DPP10: variants seen among roughly 807,000 people sequenced by gnomAD.
DPP10 encodes the protein inactive dipeptidyl peptidase 10.
DPP10 carries 33 observed loss-of-function variants against 120.9 expected under a neutral mutation model. That is an observed-to-expected ratio of 0.27 (90% CI 0.21 to 0.37). DPP10 has a LOEUF of 0.37. Ranked by LOEUF, DPP10 falls within the 10% of genes least tolerant of loss-of-function variation. The probability of loss-of-function intolerance (pLI) is 1.00; values close to 1 mark genes in which losing one functional copy is unlikely to be tolerated. For synonymous variants in DPP10, 337 were observed against 326.1 expected (o/e 1.03, Z -0.36); for missense variants, 816 against 942.8 (o/e 0.87, Z 1.76).
At chr2:115,467,620 G>A (rs1178984886) in intron 3 of DPP10, among the ~76,000 whole-genome samples, 2 of 151,872 alleles carry the variant, frequency 1.3e-5, no homozygotes, top group Non-Finnish European at 2.9e-5. Context: ...AAAATTAACT[G>A]TGATGCTCAC....
At chr2:114,817,570 T>C (rs1685745109) in intron 1 of DPP10, among the ~76,000 whole-genome samples, 3 of 152,292 alleles carry the variant, frequency 2.0e-5, no homozygotes, top group South Asian at 4.1e-4. Context: ...ATGTGGCTCT[T>C]ACTAGAATCT....
At chr2:114,661,719 C>T (rs1697418712) in intron 1 of DPP10, among the ~76,000 whole-genome samples, 1 of 152,146 alleles carries the variant, frequency 6.6e-6, no homozygotes, top group Non-Finnish European at 1.5e-5. Context: ...AGAAACAGGG[C>T]ATTTATAACG....
intron 3 of DPP10, among the ~76,000 whole-genome samples, chr2:115,493,927 C>T (rs1188726353): frequency 6.6e-6 from 1 of 151,938 alleles, no homozygotes; most frequent in Non-Finnish European, 1.5e-5. Context: ...CAGAGAAAAA[C>T]ACCAGACTTA....
intron 4 of DPP10, among the ~76,000 whole-genome samples, chr2:115,501,050 A>C (rs2076656172): frequency 6.6e-6 from 1 of 152,050 alleles, no homozygotes; most frequent in African/African-American, 2.4e-5. Flanking sequence ...ATTTTTAATA[A>C]AATTAGTTTG....
intron 9 of DPP10, among the ~76,000 whole-genome samples, chr2:115,743,347 A>G (rs1677526773): frequency 6.6e-6 from 1 of 152,130 alleles, no homozygotes; most frequent in South Asian, 2.1e-4. Context: ...AACTGGCCAC[A>G]TTGTGTGCAC....
chr2:115,815,846 C>A, intron 21 of DPP10, 117 bp downstream of exon 21: 2 of 1,042,222 alleles, frequency 1.9e-6, no homozygotes, highest in East Asian at 2.5e-5. Context: ...GACTGGGATT[C>A]CATACTTATT....
chr2:115,183,280 GA>G (rs928722451), intron 1 of DPP10, among the ~76,000 whole-genome samples: 151 of 149,040 alleles, frequency 1.0e-3, no homozygotes, highest in African/African-American at 2.6e-3. Flanking sequence ...AAATTTTGTG[GA>G]AAAAAAAAAT....
chr2:114,754,600 A>T (rs760309918), intron 1 of DPP10, among the ~76,000 whole-genome samples: 29 of 152,274 alleles, frequency 1.9e-4, no homozygotes, highest in Non-Finnish European at 7.4e-5. Flanking sequence ...TCTACCTTTT[A>T]TCAATAAACT....
chr2:115,208,454 A>G (rs1205539031), intron 1 of DPP10, among the ~76,000 whole-genome samples: 2 of 152,156 alleles, frequency 1.3e-5, no homozygotes. Flanking sequence ...CTTTTAATGT[A>G]ATTATACATT....
chr2:115,691,804 A>G (rs2091331788), intron 7 of DPP10, among the ~76,000 whole-genome samples: 1 of 152,080 alleles, frequency 6.6e-6, no homozygotes, highest in East Asian at 1.9e-4. Context: ...ACAAACATTT[A>G]ATGTATGTAT....
chr2:115,643,063 T>C (rs990031558), intron 5 of DPP10, among the ~76,000 whole-genome samples: 2 of 152,044 alleles, frequency 1.3e-5, no homozygotes, highest in Non-Finnish European at 2.9e-5. Context: ...TAACATGCAT[T>C]AAAGGAGAAA....
intron 3 of DPP10, among the ~76,000 whole-genome samples, chr2:115,400,190 C>T (rs887046027): frequency 2.0e-5 from 3 of 152,108 alleles, no homozygotes; most frequent in African/African-American, 7.2e-5. Context: ...ACGCCGCCTC[C>T]AGCACTGGGA....
intron 1 of DPP10, among the ~76,000 whole-genome samples, chr2:115,272,871 CAG>C (rs2059757416): frequency 6.6e-6 from 1 of 152,208 alleles, no homozygotes; most frequent in South Asian, 2.1e-4. Context: ...TTCTTTTCCT[CAG>C]AAACAGTTGA....
chr2:115,606,076 A>G (rs531675835), intron 5 of DPP10, among the ~76,000 whole-genome samples: 1 of 152,292 alleles, frequency 6.6e-6, no homozygotes, highest in East Asian at 1.9e-4. Flanking sequence ...AAATGTGCTA[A>G]TTTCTAATGC....
intron 1 of DPP10, among the ~76,000 whole-genome samples, chr2:114,457,063 A>G (rs368495564): frequency 6.6e-6 from 1 of 152,220 alleles, no homozygotes; most frequent in East Asian, 1.9e-4. Flanking sequence ...TTTGTGGAAT[A>G]GATTAAGAGT....
chr2:115,493,932 G>C (rs2076261113), intron 3 of DPP10, among the ~76,000 whole-genome samples: 1 of 151,930 alleles, frequency 6.6e-6, no homozygotes, highest in Non-Finnish European at 1.5e-5. Flanking sequence ...AAAAACACCA[G>C]ACTTAATGTA....
At chr2:115,781,327 A>T (rs1341711788) in intron 16 of DPP10, among the ~76,000 whole-genome samples, 4 of 151,928 alleles carry the variant, frequency 2.6e-5, no homozygotes, top group Non-Finnish European at 5.9e-5. Flanking sequence ...CAGAAAAAGT[A>T]ATAGTCTAGT....
chr2:115,081,926 T>C (rs1708306009), intron 1 of DPP10, among the ~76,000 whole-genome samples: 1 of 152,164 alleles, frequency 6.6e-6, no homozygotes, highest in Non-Finnish European at 1.5e-5. Flanking sequence ...TTGATTCCAT[T>C]CCCAGAAGGC....
intron 1 of DPP10, among the ~76,000 whole-genome samples, chr2:114,781,705 C>G (rs1376503142): frequency 2.6e-5 from 4 of 152,006 alleles, no homozygotes; most frequent in African/African-American, 7.2e-5. Flanking sequence ...ATTGGGGGAG[C>G]ATCTTGAGAA....
Sources: allele counts gnomAD v4.1 joint callset (sites outside exome capture counted in the v4.1 genomes callset), GRCh38; gene constraint gnomAD v4.1.1; transcripts MANE v1.5; gene names NCBI Gene and HGNC (gene_info 2026-07-23, HGNC 2026-07-21).